Variants in ZNF429 observed in about 807,000 individuals in gnomAD.
The protein encoded by ZNF429 is zinc finger protein 429.
ZNF429 carries 53 observed loss-of-function variants against 56.8 expected under a neutral mutation model. The observed-to-expected ratio is 0.93, with a 90% CI of 0.75 to 1.17. The LOEUF (loss-of-function observed/expected upper bound fraction) is 1.17, where lower values mean the gene tolerates loss of function less well. Ranked by LOEUF, ZNF429 falls within the 50% of genes most tolerant of loss-of-function variation. The pLI, the probability that ZNF429 is intolerant of heterozygous loss-of-function variation, is 0.00. For missense variants in ZNF429, 849 were observed against 788.4 expected, an observed-to-expected ratio of 1.08 and a Z score of -0.92; for synonymous variants, 278 against 264.7, an observed-to-expected ratio of 1.05 and a Z score of -0.49.
chr19:21,506,762 TTTTTG>T (rs1368507546), intron 1 of ZNF429, among the ~76,000 whole-genome samples: 10 of 142,376 alleles, frequency 7.0e-5, no homozygotes, highest in Non-Finnish European at 1.4e-4. Flanking sequence ...TTGAGTTAGT[TTTTTG>T]TTTTTTTTTT....
At chr19:21,519,779 G>A (rs535713070) in intron 1 of ZNF429, among the ~76,000 whole-genome samples, 1 of 152,212 alleles carries the variant, frequency 6.6e-6, no homozygotes, top group South Asian at 2.1e-4. Flanking sequence ...AGTGTCTGCG[G>A]AGTGTTGTAG....
chr19:21,535,370 TTTC>T lies in ZNF429; in HGVS notation c.227-907_227-905del. On this transcript the variant is annotated intron_variant, in intron 3 of 3. Coordinates refer to ENST00000358491, the MANE Select transcript of ZNF429 (RefSeq NM_001001415.4). ...TTTCCTTTCTTTTCTTCTTTCTTTC[TTTC>T]TTTCTTTTTTACTTTCTTTCTTTCT... Among the ~76,000 whole-genome samples the T allele has an allele frequency of 3.1e-4, 29 of 92,258 alleles. 3 individuals carry two copies. The highest frequency in any genetic ancestry group is 1.3e-3 in the African/African-American group (28 of 21,706). 60.5% of individuals were successfully genotyped at this position (92,258 alleles called of 152,430 possible).
intron 1 of ZNF429, among the ~76,000 whole-genome samples, chr19:21,524,652 A>G (rs1362051882): frequency 6.6e-6 from 1 of 152,144 alleles, no homozygotes; most frequent in Non-Finnish European, 1.5e-5. Flanking sequence ...TTTTCTATTT[A>G]GAATGAGCCT....
At position 21,539,145 on chromosome 19, in the gene ZNF429, T is replaced by C. The variant is rs1028777969; in HGVS notation, c.*1067T>C. ...TTGCATATGGCCATATGTATAAAAA[T>C]ATTTAATTCAAAATTGAATTTAAAA... On this transcript the variant is annotated 3_prime_UTR_variant, in exon 4 of 4. Coordinates refer to ENST00000358491, the MANE Select transcript of ZNF429 (RefSeq NM_001001415.4). Among the ~76,000 whole-genome samples, 1 of 152,160 alleles carries C rather than the reference T, an allele frequency of 6.6e-6. No individual in the cohort carries two copies. Among genetic ancestry groups the C allele is most frequent in the Non-Finnish European group, 1.5e-5 (1 of 68,014 alleles).
intron 1 of ZNF429, among the ~76,000 whole-genome samples, chr19:21,506,767 GT>G (rs60650857): frequency 0.053 from 5,938 of 111,562 alleles, 211 homozygotes; most frequent in African/African-American, 0.19. Flanking sequence ...TTAGTTTTTT[GT>G]TTTTTTTTTT....
At chr19:21,525,143 T>C (rs1329799841) in intron 1 of ZNF429, among the ~76,000 whole-genome samples, 1 of 152,190 alleles carries the variant, frequency 6.6e-6, no homozygotes, top group Non-Finnish European at 1.5e-5. Context: ...CTTTACATTG[T>C]TGTAACTTCT....
chr19:21,510,366 G>GC (rs2145415280), intron 1 of ZNF429, among the ~76,000 whole-genome samples: 1 of 152,266 alleles, frequency 6.6e-6, no homozygotes, highest in East Asian at 1.9e-4. Flanking sequence ...ATAAATTTCA[G>GC]CGAGGTCTGA....
chr19:21,515,584 G>GT (rs1006758354), intron 1 of ZNF429, among the ~76,000 whole-genome samples: 10 of 150,678 alleles, frequency 6.6e-5, no homozygotes, highest in East Asian at 1.9e-4. Flanking sequence ...TTTGTTTTTT[G>GT]TTTTTTTGCT....
In ZNF429 at chr19:21,538,841, A is replaced by G. The variant is rs537210763; in HGVS notation, c.*763A>G. Reference sequence around the variant, plus strand: ...ATTGTAAGTGCAATTACTGTCAAACAATCTTGTAGAAAATATCATCCTTTA... The same window carrying G: ...ATTGTAAGTGCAATTACTGTCAAACGATCTTGTAGAAAATATCATCCTTTA... On this transcript the variant is annotated 3_prime_UTR_variant, in exon 4 of 4. Coordinates refer to ENST00000358491, the MANE Select transcript of ZNF429 (RefSeq NM_001001415.4). Among the ~76,000 whole-genome samples, 2 of 152,182 alleles carry G rather than the reference A, an allele frequency of 1.3e-5. No individual in the cohort carries two copies.
chr19:21,528,474 G>A (rs756155363), intron 1 of ZNF429, among the ~76,000 whole-genome samples: 15 of 152,146 alleles, frequency 9.9e-5, no homozygotes, highest in Non-Finnish European at 2.2e-4. Flanking sequence ...GGAGGCCGTG[G>A]TGGGTGGATA....
chr19:21,537,948 G>A lies in ZNF429; in HGVS notation c.1895G>A (p.Arg632Gln), dbSNP rs371339989. 5.6e-5 allele frequency: 91 copies of A among 1,613,700 alleles called. No homozygotes were observed. The Middle Eastern group carries it at 6.6e-4, about 12-fold the overall frequency. Residue 632 changes from arginine to glutamine, a missense_variant, in exon 4 of 4, where the codon CGG (arginine) becomes CAG (glutamine). Physicochemically the swap from Arg to Gln is conservative, Grantham distance 43. Transcript: ENST00000358491. ...KCEECAKAFTRSSRLTQHKKI... is the reference protein window; with the variant it reads ...KCEECAKAFTQSSRLTQHKKI... The stretch of plus-strand genomic sequence containing the variant: ...GAAGAATGTGCCAAAGCTTTTACCC[G>A]GTCTTCAAGACTTACTCAACATAAG...
intron 1 of ZNF429, among the ~76,000 whole-genome samples, chr19:21,509,684 A>G (rs1426314418): frequency 6.6e-6 from 1 of 152,212 alleles, no homozygotes; most frequent in African/African-American, 2.4e-5. Context: ...ACAGGCAGAT[A>G]CAGTTACAGT....
At chr19:21,518,372 C>G (rs796154536) in intron 1 of ZNF429, among the ~76,000 whole-genome samples, 3 of 78,610 alleles carry the variant, frequency 3.8e-5, no homozygotes, top group Non-Finnish European at 8.2e-5. Flanking sequence ...CCCTTTTAAC[C>G]TCACATTAGC....
At chr19:21,536,163 G>T in intron 3 of ZNF429, 117 bp from the exon 4 acceptor site, 1 of 1,019,180 alleles carries the variant, frequency 9.8e-7, no homozygotes, top group South Asian at 2.0e-5. Context: ...TTAGAATCTG[G>T]TATTTTGCTA....
At chr19:21,509,171 C>A (rs2032331343) in intron 1 of ZNF429, among the ~76,000 whole-genome samples, 1 of 152,022 alleles carries the variant, frequency 6.6e-6, no homozygotes, top group African/African-American at 2.4e-5. Context: ...GTCGCGCCAG[C>A]CTATTTTTGT....
In ZNF429 at chr19:21,519,729, G is replaced by A. The variant is rs548931782; in HGVS notation, c.4-9929G>A. Among the ~76,000 whole-genome samples the A allele has an allele frequency of 6.6e-5, 10 of 152,120 alleles. No homozygotes were observed. In the South Asian group the frequency reaches 1.0e-3, roughly 16 times the overall value. ...ATAAAATCCTCCTTTTCTACCTATC[G>A]GTCTTTCCAGTCTCCTAATTCCCAC... On this transcript the variant is annotated intron_variant, in intron 1 of 3. Coordinates refer to ENST00000358491, the MANE Select transcript of ZNF429 (RefSeq NM_001001415.4).
rs139560346 is a variant in ZNF429, at chr19:21,524,077, CT to C, written c.4-5577del. Among the ~76,000 whole-genome samples, 1,189 of 152,288 alleles carry C rather than the reference CT, an allele frequency of 7.8e-3. 24 individuals are homozygous for C. Among genetic ancestry groups the C allele is most frequent in the African/African-American group, 0.027 (1,137 of 41,556 alleles). ...TCTTTTGAGAGTGTGGCTCTTTGAG[CT>C]TTTCAGATCTTGTCCAATGACCTGC... is the stretch of plus-strand genomic sequence containing the variant. On this transcript the variant is annotated intron_variant, in intron 1 of 3. Coordinates refer to ENST00000358491, the MANE Select transcript of ZNF429 (RefSeq NM_001001415.4).
At chr19:21,516,288 C>G (rs149727779) in intron 1 of ZNF429, among the ~76,000 whole-genome samples, 1 of 151,946 alleles carries the variant, frequency 6.6e-6, no homozygotes, top group Admixed American at 6.6e-5. Flanking sequence ...GGGGTTTCAC[C>G]GTGTTAGCCA....
At chr19:21,524,525 C>T (rs2033097042) in intron 1 of ZNF429, among the ~76,000 whole-genome samples, 1 of 149,818 alleles carries the variant, frequency 6.7e-6, no homozygotes, top group African/African-American at 2.5e-5. Flanking sequence ...GAGACTCCAT[C>T]TCAAAAAAAA....
Sources: gnomAD v4.1 joint callset for allele counts (sites outside exome capture counted in the v4.1 genomes callset) on GRCh38, gnomAD v4.1.1 for gene constraint, MANE v1.5 for transcripts, NCBI Gene and HGNC (gene_info 2026-07-23, HGNC 2026-07-21) for gene names.